Variants in EYS observed in about 807,000 individuals in gnomAD.
The protein encoded by EYS is protein eyes shut homolog.
A neutral mutation model predicts 282.1 loss-of-function variants in EYS; 250 were observed. The ratio of observed to expected loss-of-function variants is 0.89; its 90% confidence interval spans 0.80 to 0.98. The LOEUF is 0.98. EYS is among the 50% of genes least tolerant of loss of function. The probability of loss-of-function intolerance (pLI) is 0.00; values close to 1 mark genes in which losing one functional copy is unlikely to be tolerated. For synonymous variants in EYS, 1,355 were observed against 1,282.9 expected, an observed-to-expected ratio of 1.06 and a Z score of -1.20; for missense variants, 4,016 against 3,709.0, an observed-to-expected ratio of 1.08 and a Z score of -2.15.
At chr6:64,671,588 C>A (rs1010441675) in intron 22 of EYS, among the ~76,000 whole-genome samples, 3 of 152,080 alleles carry the variant, frequency 2.0e-5, no homozygotes, top group African/African-American at 7.2e-5. Flanking sequence ...GAGGAAGGAG[C>A]TTCAACCTGG....
intron 33 of EYS, among the ~76,000 whole-genome samples, chr6:64,031,758 C>T (rs1231934722): frequency 6.6e-6 from 1 of 152,088 alleles, no homozygotes; most frequent in Non-Finnish European, 1.5e-5. Context: ...GTGTGTCTAG[C>T]TAATCTGGTG....
At chr6:64,512,891 T>C (rs1777452532) in intron 26 of EYS, among the ~76,000 whole-genome samples, 1 of 151,944 alleles carries the variant, frequency 6.6e-6, no homozygotes, top group Non-Finnish European at 1.5e-5. Flanking sequence ...TTTTATGTAC[T>C]CTCCATCTTT....
intron 29 of EYS, among the ~76,000 whole-genome samples, chr6:64,351,190 C>G (rs1771620654): frequency 6.6e-6 from 1 of 151,200 alleles, no homozygotes; most frequent in Non-Finnish European, 1.5e-5. Flanking sequence ...GATTGAGATA[C>G]TGGTATAACA....
intron 11 of EYS, among the ~76,000 whole-genome samples, chr6:65,332,609 A>T (rs1769836303): frequency 6.6e-6 from 1 of 151,218 alleles, no homozygotes; most frequent in Non-Finnish European, 1.5e-5. Context: ...TTTTCTTGTG[A>T]TTTGTCTGGT....
chr6:65,156,866 A>T (rs1764741305), intron 12 of EYS, among the ~76,000 whole-genome samples: 1 of 151,014 alleles, frequency 6.6e-6, no homozygotes, highest in Non-Finnish European at 1.5e-5. Context: ...ATAATGGAAA[A>T]ATCTACTTGG....
At position 65,353,579 on chromosome 6, in the gene EYS, C is replaced by G; in HGVS notation, c.1338G>C (p.Trp446Cys). 1.2e-6 allele frequency: 2 copies of G among 1,612,948 alleles called. No individual in the cohort carries two copies. Among genetic ancestry groups the G allele is most frequent in the East Asian group, 2.2e-5 (1 of 44,714 alleles). ...CIPGCTKNPC[W>C]FLKNVYLIHQ... ...GAATTAGGTAAACATTCTTCAAAAA[C>G]CAACATGGATTTTTTGTGCACCCTG... Residue 446 changes from tryptophan to cysteine, a missense_variant, in exon 9 of 43, where the codon TGG becomes TGC. Physicochemically the swap from Trp to Cys is radical, Grantham distance 215 (BLOSUM62 -2). Coordinates refer to ENST00000503581, the MANE Select transcript of EYS (RefSeq NM_001142800.2).
intron 31 of EYS, among the ~76,000 whole-genome samples, chr6:64,159,835 A>C (rs1184318739): frequency 6.6e-6 from 1 of 152,146 alleles, no homozygotes; most frequent in Non-Finnish European, 1.5e-5. Context: ...CTCCTTAGAG[A>C]TAACACCTGG....
intron 26 of EYS, among the ~76,000 whole-genome samples, chr6:64,455,700 T>G (rs370274957): frequency 6.6e-6 from 1 of 152,074 alleles, no homozygotes; most frequent in African/African-American, 2.4e-5. Context: ...TGAGAACATG[T>G]GGTGTTTGGT....
intron 40 of EYS, among the ~76,000 whole-genome samples, chr6:63,770,157 G>GTAC (rs1769894626): frequency 6.6e-6 from 1 of 151,968 alleles, no homozygotes; most frequent in Admixed American, 6.6e-5. Flanking sequence ...CTTTGATGTA[G>GTAC]TACTTAATCA....
At chr6:64,526,886 A>G (rs1283969072) in intron 26 of EYS, among the ~76,000 whole-genome samples, 1 of 151,852 alleles carries the variant, frequency 6.6e-6, no homozygotes, top group Non-Finnish European at 1.5e-5. Context: ...CAAGGCTAAT[A>G]CTGAGTTGCA....
intron 12 of EYS, among the ~76,000 whole-genome samples, chr6:65,221,462 G>T (rs1766463378): frequency 6.6e-6 from 1 of 152,206 alleles, no homozygotes; most frequent in South Asian, 2.1e-4. Context: ...GGTGCAAGCT[G>T]CAAGCCTTAG....
chr6:64,704,295 C>T (rs935371265), intron 22 of EYS, among the ~76,000 whole-genome samples: 9 of 146,060 alleles, frequency 6.2e-5, no homozygotes, highest in African/African-American at 2.0e-4. Context: ...AAATGTAATA[C>T]TATATATTTA....
chr6:64,762,562 C>A (rs1773193051), intron 22 of EYS, among the ~76,000 whole-genome samples: 1 of 152,088 alleles, frequency 6.6e-6, no homozygotes, highest in South Asian at 2.1e-4. Context: ...TTCATCTTTT[C>A]TTTTTTTCTG....
chr6:65,321,370 C>G (rs1562095286), intron 11 of EYS, among the ~76,000 whole-genome samples: 2 of 151,090 alleles, frequency 1.3e-5, no homozygotes, highest in Admixed American at 6.6e-5. Context: ...TGCTATTTTT[C>G]AAAAAAGAGT....
intron 26 of EYS, among the ~76,000 whole-genome samples, chr6:64,482,807 A>AT (rs1269351134): frequency 1.3e-5 from 2 of 151,618 alleles, no homozygotes; most frequent in Non-Finnish European, 3.0e-5. Context: ...GTAGCTAACA[A>AT]TTTTTTTACC....
In EYS at chr6:64,043,851, A is replaced by G. The variant is rs553151445; in HGVS notation, c.6725+22487T>C. On this transcript the variant is annotated intron_variant, in intron 33 of 42. Transcript: ENST00000503581. ...ATATGGTTGATTAAAGCAGATTTAA[A>G]GATGAAATGAAAACACACTTATTTA... 1.8e-4 allele frequency among the ~76,000 whole-genome samples: 28 copies of G among 152,360 alleles called. No homozygotes were observed. In the South Asian group the frequency reaches 5.2e-3, roughly 28 times the overall value.
intron 41 of EYS, among the ~76,000 whole-genome samples, chr6:63,755,118 A>C (rs1308918017): frequency 2.6e-5 from 4 of 151,870 alleles, no homozygotes; most frequent in Non-Finnish European, 5.9e-5. Context: ...AGATTGACAA[A>C]ATTTTCTCCC....
At chr6:64,102,294 A>C (rs1468210666) in intron 31 of EYS, among the ~76,000 whole-genome samples, 1 of 152,226 alleles carries the variant, frequency 6.6e-6, no homozygotes, top group East Asian at 1.9e-4. Flanking sequence ...ATACTGAAAC[A>C]CACTTAAGAA....
Position 63,875,431 on chromosome 6 carries a change from C to A in EYS, c.7056-11073G>T, listed in dbSNP as rs545486935. Among the ~76,000 whole-genome samples the A allele has an allele frequency of 2.6e-5, 4 of 152,112 alleles. No homozygotes were observed. The East Asian group carries it at 5.8e-4, about 22-fold the overall frequency. ...TCATCAGGGACATTGGTCTAAAATT[C>A]TCTTTTTTTGTTGTGTCTCGGCCAG... On this transcript the variant is annotated intron_variant, in intron 35 of 42. Coordinates refer to ENST00000503581, the MANE Select transcript of EYS (RefSeq NM_001142800.2).
Sources: allele counts gnomAD v4.1 joint callset (sites outside exome capture counted in the v4.1 genomes callset), GRCh38; gene constraint gnomAD v4.1.1; transcripts MANE v1.5; gene names NCBI Gene and HGNC (gene_info 2026-07-23, HGNC 2026-07-21).